CCL5: variants seen among roughly 807,000 people sequenced by gnomAD.
The protein encoded by CCL5 is C-C motif chemokine ligand 5, also known as C-C motif chemokine 5.
CCL5 carries 5 observed loss-of-function variants against 9.0 expected under a neutral mutation model. The observed-to-expected ratio is 0.55, with a 90% CI of 0.29 to 1.16. The LOEUF (loss-of-function observed/expected upper bound fraction) is 1.16, where lower values mean the gene tolerates loss of function less well. Among genes scored for constraint, CCL5 ranks in the 50% most tolerant of loss-of-function variants. The pLI, the probability that CCL5 is intolerant of heterozygous loss-of-function variation, is 0.08. For synonymous variants in CCL5, 66 were observed against 72.0 expected (o/e 0.92, Z 0.42); for missense variants, 183 against 183.2 (o/e 1.00, Z 0.01).
intron 3 of CCL5, among the ~76,000 whole-genome samples, chr17:35,872,671 A>C (rs1294497436): frequency 1.3e-5 from 2 of 152,156 alleles, no homozygotes; most frequent in Non-Finnish European, 2.9e-5. Flanking sequence ...GCCAGAAACA[A>C]ATTTGTGTGC....
Position 35,875,614 on chromosome 17 carries a change from C to G in CCL5, c.217G>C (p.Gly73Arg), listed in dbSNP as rs891430192. 1.0e-6 allele frequency: 1 copy of G among 985,212 alleles called. No homozygotes were observed. The highest frequency in any genetic ancestry group is 4.7e-5 in the South Asian group (1 of 21,284). The allele number at this position is 985,212 out of a possible 1,614,324, so 61.0% of individuals were successfully genotyped here. A position where few individuals can be genotyped will look rare whatever the true frequency, so the allele number is the denominator to read the frequency against. ...AGGAAATCCTGCCAGACTTGCTGTC[C>G]CTCTCTCTTTGGCATCCTTGACCTG... The change falls in exon 3 of 4, where the codon GGA (glycine) becomes CGA (arginine). Residue 73 changes from glycine (G) to arginine (R), a missense_variant. Physicochemically the swap from Gly to Arg is moderately radical, Grantham distance 125. Transcript: ENST00000651122.
rs41454744 is a variant in CCL5 at position 35,880,131 on chromosome 17, T to C, written c.76+99A>G. On this transcript the variant is annotated intron_variant, in intron 1 of 3. Coordinates refer to ENST00000651122, the MANE Select transcript of CCL5 (RefSeq NM_001278736.2). ...GGTTCAGACAGTATTCATGCTACAG[T>C]TGAAAAGAGGGCAAGGTGTGGGACA... 9.3e-4 allele frequency: 824 copies of C among 887,070 alleles called. 12 individuals carry two copies. The African/African-American group carries it at 0.012, about 13-fold the overall frequency. The allele number at this position is 887,070 out of a possible 1,614,324, so 54.9% of individuals were successfully genotyped here.
intron 3 of CCL5, among the ~76,000 whole-genome samples, chr17:35,873,580 C>G (rs994522865): frequency 6.6e-6 from 1 of 152,164 alleles, no homozygotes; most frequent in African/African-American, 2.4e-5. Flanking sequence ...GGTGGGTGAA[C>G]GAAAGATGGG....
In CCL5 at chr17:35,878,080, C is replaced by T. The variant is rs548887758; in HGVS notation, c.188+448G>A. Among the ~76,000 whole-genome samples, 82 of 151,778 alleles carry T rather than the reference C, an allele frequency of 5.4e-4. No homozygotes were observed. In the Middle Eastern group the frequency reaches 0.014, roughly 25 times the overall value. ...CGGGTAGATCACGAGGGCAGGAGATCGAGACCATCCTGGCTAACACGGTGA... is the reference window on the plus strand; with the variant it reads ...CGGGTAGATCACGAGGGCAGGAGATTGAGACCATCCTGGCTAACACGGTGA... On this transcript the variant is annotated intron_variant, in intron 2 of 3. Transcript: ENST00000651122.
chr17:35,872,574 G>T, intron 3 of CCL5, 110 bp from the exon 3 acceptor site: 3 of 857,200 alleles, frequency 3.5e-6, no homozygotes, highest in Admixed American at 1.9e-5. Flanking sequence ...TGATATCGGG[G>T]TAGGGCATAT....
chr17:35,873,568 T>C (rs1462307405), intron 3 of CCL5, among the ~76,000 whole-genome samples: 1 of 152,184 alleles, frequency 6.6e-6, no homozygotes, highest in Non-Finnish European at 1.5e-5. Context: ...CATCTGTGCA[T>C]GGGTGGGTGA....
At chr17:35,877,049 A>T (rs28914806) in intron 2 of CCL5, among the ~76,000 whole-genome samples, 2 of 152,200 alleles carry the variant, frequency 1.3e-5, no homozygotes, top group Admixed American at 1.3e-4. Flanking sequence ...GTGTCTGCCA[A>T]TAGTATGTGC....
At chr17:35,879,575 C>T (rs1239664056) in intron 1 of CCL5, among the ~76,000 whole-genome samples, 2 of 139,304 alleles carry the variant, frequency 1.4e-5, no homozygotes, top group African/African-American at 5.5e-5. Context: ...ACGGAGCTTG[C>T]AGTAAGCCGA....
intron 2 of CCL5, 76 bp downstream of exon 2, chr17:35,878,452 G>A: frequency 1.1e-6 from 1 of 946,894 alleles, no homozygotes; most frequent in Admixed American, 1.8e-5. Flanking sequence ...AGGATAGGTG[G>A]AAGTGGGTAG....
chr17:35,874,258 G>C (rs1399937691), intron 3 of CCL5, among the ~76,000 whole-genome samples: 1 of 152,152 alleles, frequency 6.6e-6, no homozygotes, highest in Admixed American at 6.5e-5. Flanking sequence ...CTCATAGGAA[G>C]AAAATCAACT....
At chr17:35,874,880 G>A (rs373670374) in intron 3 of CCL5, among the ~76,000 whole-genome samples, 33 of 152,188 alleles carry the variant, frequency 2.2e-4, no homozygotes, top group African/African-American at 6.3e-4. Context: ...CCAAAGTACA[G>A]GGATCACAGA....
chr17:35,877,565 A>G (rs1358511670), intron 2 of CCL5, among the ~76,000 whole-genome samples: 3 of 152,244 alleles, frequency 2.0e-5, no homozygotes, highest in Non-Finnish European at 4.4e-5. Flanking sequence ...GGCTAAATCA[A>G]TAAACCTCTC....
intron 1 of CCL5, 66 bp from the exon 2 acceptor site, chr17:35,878,705 G>A (rs986083563): frequency 3.9e-5 from 35 of 893,930 alleles, no homozygotes; most frequent in Non-Finnish European, 5.6e-5. Context: ...ACATTGTGCT[G>A]GACACTTTAT....
chr17:35,879,057 G>C (rs556681496), intron 1 of CCL5, among the ~76,000 whole-genome samples: 3 of 152,336 alleles, frequency 2.0e-5, no homozygotes, highest in African/African-American at 7.2e-5. Flanking sequence ...GCCTGGAGAT[G>C]CATATTGTAT....
At chr17:35,878,899 T>C (rs1002168067) in intron 1 of CCL5, among the ~76,000 whole-genome samples, 14 of 152,166 alleles carry the variant, frequency 9.2e-5, no homozygotes, top group African/African-American at 2.9e-4. Context: ...CAGGGCCTCC[T>C]CCTGGCTTGT....
intron 3 of CCL5, among the ~76,000 whole-genome samples, chr17:35,873,951 A>G (rs2088409953): frequency 6.6e-6 from 1 of 152,166 alleles, no homozygotes; most frequent in African/African-American, 2.4e-5. Flanking sequence ...CAGAGGCCTT[A>G]TCTCTATAGT....
intron 2 of CCL5, among the ~76,000 whole-genome samples, chr17:35,877,300 G>A (rs892868470): frequency 2.0e-5 from 3 of 152,106 alleles, no homozygotes; most frequent in South Asian, 2.1e-4. Context: ...GCTTGAACCC[G>A]GGAGGCAAAG....
intron 3 of CCL5, among the ~76,000 whole-genome samples, chr17:35,875,245 A>AT (rs202080609): frequency 3.4e-4 from 51 of 151,876 alleles, no homozygotes; most frequent in African/African-American, 1.1e-3. Context: ...ACAGCATTAA[A>AT]TTTTTTTTTA....
At chr17:35,878,933 T>C (rs896081907) in intron 1 of CCL5, among the ~76,000 whole-genome samples, 2 of 152,168 alleles carry the variant, frequency 1.3e-5, no homozygotes, top group Non-Finnish European at 2.9e-5. Flanking sequence ...GCTTCATTCT[T>C]GCCCTTCCAG....
Sources: allele counts gnomAD v4.1 joint callset (sites outside exome capture counted in the v4.1 genomes callset), GRCh38; gene constraint gnomAD v4.1.1; transcripts MANE v1.5; gene names NCBI Gene and HGNC (gene_info 2026-07-23, HGNC 2026-07-21).